Variants in SLTM observed in about 807,000 individuals in gnomAD.
SLTM encodes SAFB-like transcription modulator.
SLTM carries 43 observed loss-of-function variants against 134.6 expected under a neutral mutation model. The observed-to-expected ratio is 0.32, with a 90% CI of 0.25 to 0.41. The LOEUF (loss-of-function observed/expected upper bound fraction) is 0.41. SLTM is among the 10% of genes least tolerant of loss of function. SLTM has a pLI of 1.00. For synonymous variants in SLTM, 424 were observed against 432.3 expected, an observed-to-expected ratio of 0.98 and a Z score of 0.24; for missense variants, 1,055 against 1,288.8, an observed-to-expected ratio of 0.82 and a Z score of 2.78.
Position 58,879,292 on chromosome 15 carries a change from GAAAC to G in SLTM, c.*703_*706del, listed in dbSNP as rs2033510799. 6.6e-6 allele frequency: 1 copy of G among 152,180 alleles called. No individual in the cohort carries two copies. The highest frequency in any genetic ancestry group is 2.4e-5 in the African/African-American group (1 of 41,406). The allele number at this position is 152,180 out of a possible 1,614,324, so 9.4% of individuals were successfully genotyped here. On this transcript the variant is annotated 3_prime_UTR_variant, in exon 21 of 21. Transcript: ENST00000380516. ...GCACAACTCGGTCTAAGAACCTTGTGAAACAAACCTCATGGCCAAGGTTTCATGA... is the reference window on the plus strand; with the variant it reads ...GCACAACTCGGTCTAAGAACCTTGTGAAACCTCATGGCCAAGGTTTCATGA...
Position 58,879,849 on chromosome 15 carries a change from A to G in SLTM, c.*150T>C, listed in dbSNP as rs2033552905. The G allele has an allele frequency of 3.0e-6, 3 of 989,442 alleles. No individual in the cohort carries two copies. The East Asian group carries it at 8.2e-5, about 27-fold the overall frequency. 61.3% of individuals were successfully genotyped at this position (989,442 alleles called of 1,614,324 possible). On this transcript the variant is annotated 3_prime_UTR_variant, in exon 21 of 21. Transcript: ENST00000380516. ...ACAGAACTATTTAAACATCTTCTCC[A>G]AAATTGAGAAAAGCAATCATGTTAA...
chr15:58,889,557 T>G lies in SLTM; in HGVS notation c.2080-3A>C, dbSNP rs1157880396. ...CGTTCAGCTTCCTTACGACGTTCCT[T>G]CAGACAACACAGAATGAAGAACCAA... On this transcript the variant is annotated splice_polypyrimidine_tract_variant and splice_region_variant and intron_variant, in intron 15 of 20. Coordinates refer to ENST00000380516, the MANE Select transcript of SLTM (RefSeq NM_024755.4). 1 of 1,613,718 alleles carries G rather than the reference T, an allele frequency of 6.2e-7. No individual in the cohort carries two copies. Among genetic ancestry groups the G allele is most frequent in the African/African-American group, 1.3e-5 (1 of 74,902 alleles).
intron 2 of SLTM, among the ~76,000 whole-genome samples, chr15:58,924,854 C>G (rs550663087): frequency 8.5e-5 from 13 of 152,280 alleles, no homozygotes; most frequent in Non-Finnish European, 1.5e-4. Flanking sequence ...CAAGGTCTTG[C>G]TCTATCGCCC....
intron 5 of SLTM, 63 bp downstream of exon 5, chr15:58,912,500 A>T: frequency 7.7e-7 from 1 of 1,305,936 alleles, no homozygotes; most frequent in Non-Finnish European, 1.1e-6. Flanking sequence ...AGTCAAAATA[A>T]GATTCCTTTT....
chr15:58,927,024 C>T (rs1280498469), intron 2 of SLTM, among the ~76,000 whole-genome samples: 2 of 152,096 alleles, frequency 1.3e-5, no homozygotes, highest in Non-Finnish European at 2.9e-5. Flanking sequence ...CTTTTCAACA[C>T]AGCATCAATG....
intron 1 of SLTM, among the ~76,000 whole-genome samples, chr15:58,932,673 G>A (rs550724758): frequency 5.3e-5 from 8 of 152,230 alleles, no homozygotes; most frequent in South Asian, 2.1e-4. Flanking sequence ...AAATTCTACC[G>A]TGTCAAGATA....
At chr15:58,883,946 A>C (rs1471785529) in intron 19 of SLTM, among the ~76,000 whole-genome samples, 160 bp from the exon 20 acceptor site, 1 of 152,002 alleles carries the variant, frequency 6.6e-6, no homozygotes, top group Admixed American at 6.6e-5. Flanking sequence ...AAAAATACAA[A>C]AAATTAGTCA....
intron 2 of SLTM, among the ~76,000 whole-genome samples, chr15:58,929,751 G>GA (rs1595957793): frequency 1.3e-5 from 2 of 151,748 alleles, no homozygotes; most frequent in East Asian, 3.9e-4. Flanking sequence ...AAATGGCAGA[G>GA]AAAACATCTC....
chr15:58,888,483 G>A lies in SLTM; in HGVS notation c.2277C>T (p.Ser759=), dbSNP rs1191096954. The A allele has an allele frequency of 4.3e-6, 7 of 1,613,660 alleles. No homozygotes were observed. Among genetic ancestry groups the A allele is most frequent in the African/African-American group, 4.0e-5 (3 of 74,790 alleles). The change falls in exon 17 of 21, where the codon TCC becomes TCT. Residue 759 remains serine, a synonymous_variant. Transcript: ENST00000380516. ...ATCTGTTCTGTTGGCGAGAGTAGTCGGATCCATGGCCAAATCGTGCATCTG... is the reference window on the plus strand; with the variant it reads ...ATCTGTTCTGTTGGCGAGAGTAGTCAGATCCATGGCCAAATCGTGCATCTG... The part of the protein sequence containing the change: ...LDTDARFGHG[S]DYSRQQNRFN...
At chr15:58,931,546 A>C (rs941386149) in intron 2 of SLTM, among the ~76,000 whole-genome samples, 10 of 152,324 alleles carry the variant, frequency 6.6e-5, no homozygotes, top group Middle Eastern at 3.4e-3. Context: ...ATTGTAGGTA[A>C]AGACCAGAAT....
chr15:58,906,882 C>T (rs1316193060), intron 5 of SLTM, among the ~76,000 whole-genome samples: 4 of 152,006 alleles, frequency 2.6e-5, no homozygotes, highest in Admixed American at 6.5e-5. Context: ...ATGTTAAGTA[C>T]GATAGAACTC....
intron 2 of SLTM, among the ~76,000 whole-genome samples, chr15:58,922,824 C>T (rs538918682): frequency 4.0e-5 from 6 of 151,454 alleles, no homozygotes; most frequent in South Asian, 2.1e-4. Flanking sequence ...GCGATTCTCC[C>T]GCTTCAGCCT....
intron 2 of SLTM, among the ~76,000 whole-genome samples, chr15:58,926,620 T>C (rs2037487734): frequency 6.6e-6 from 1 of 151,730 alleles, no homozygotes; most frequent in Non-Finnish European, 1.5e-5. Flanking sequence ...TACCTTTTTT[T>C]TTTTTTTTCT....
intron 6 of SLTM, 192 bp downstream of exon 6, chr15:58,901,066 AAT>A: frequency 1.8e-6 from 1 of 560,182 alleles, no homozygotes; most frequent in Non-Finnish European, 3.2e-6. Flanking sequence ...ATTAAGTTGC[AAT>A]ATATCTTTAG....
rs2036355097 is a variant in SLTM at position 58,912,553 on chromosome 15, GT to G, written c.561+9del. 1.9e-6 allele frequency: 3 copies of G among 1,611,678 alleles called. No individual in the cohort carries two copies. Among genetic ancestry groups the G allele is most frequent in the Non-Finnish European group, 2.5e-6 (3 of 1,178,144 alleles). The stretch of plus-strand genomic sequence containing the variant: ...CAATATCGAATTCATAGGACTAAAT[GT>G]AAACTTACTTGGGCTGTTAGAAAGG... On this transcript the variant is annotated intron_variant, in intron 5 of 20. Coordinates refer to ENST00000380516, the MANE Select transcript of SLTM (RefSeq NM_024755.4).
At chr15:58,903,713 TG>T (rs2035658505) in intron 5 of SLTM, among the ~76,000 whole-genome samples, 1 of 140,000 alleles carries the variant, frequency 7.1e-6, no homozygotes, top group Non-Finnish European at 1.5e-5. Flanking sequence ...AAGATTAAAA[TG>T]GAAAAAAAAA....
In SLTM at chr15:58,889,447, T is replaced by C. The variant is rs149941400; in HGVS notation, c.2187A>G (p.Pro729=). 8.2e-5 allele frequency: 132 copies of C among 1,613,992 alleles called. No homozygotes were observed. In the African/African-American group the frequency reaches 1.3e-3, roughly 15 times the overall value. Residue 729 remains proline (P), a synonymous_variant, in exon 16 of 21, where the codon CCA becomes CCG. Coordinates refer to ENST00000380516, the MANE Select transcript of SLTM (RefSeq NM_024755.4). ...EQEKRNSLKR[P]RDVDHRRDDP... ...GTAACTACCTATGATCTACATCACG[T>C]GGGCGTTTCAAGGAATTCCTTTTTT...
chr15:58,905,780 A>G (rs2035830795), intron 5 of SLTM, among the ~76,000 whole-genome samples: 1 of 152,138 alleles, frequency 6.6e-6, no homozygotes, highest in Non-Finnish European at 1.5e-5. Flanking sequence ...GTTCCTGTCA[A>G]TTATAATGTT....
At chr15:58,922,238 G>A (rs1365710446) in intron 2 of SLTM, among the ~76,000 whole-genome samples, 3 of 151,194 alleles carry the variant, frequency 2.0e-5, no homozygotes, top group African/African-American at 2.4e-5. Context: ...GTAGCCGGGT[G>A]TGGTGACTCA....
Sources: allele counts gnomAD v4.1 joint callset (sites outside exome capture counted in the v4.1 genomes callset), GRCh38; gene constraint gnomAD v4.1.1; transcripts MANE v1.5; gene names NCBI Gene and HGNC (gene_info 2026-07-23, HGNC 2026-07-21).